Variants in SARDH observed in about 807,000 individuals in gnomAD.
SARDH encodes the protein sarcosine dehydrogenase, mitochondrial.
Under a neutral mutation model 109.1 loss-of-function variants are expected in SARDH, and 95 were observed. That is an observed-to-expected ratio of 0.87 (90% CI 0.74 to 1.03). SARDH has a LOEUF of 1.03. SARDH is among the 50% of genes least tolerant of loss of function. The pLI, the probability that SARDH is intolerant of heterozygous loss-of-function variation, is 0.00. For missense variants in SARDH, 1,267 were observed against 1,287.8 expected (o/e 0.98, Z 0.25); for synonymous variants, 572 against 534.8 (o/e 1.07, Z -0.96).
At position 133,685,213 on chromosome 9, in the gene SARDH, G is replaced by A. The variant is rs758232417; in HGVS notation, c.2143C>T (p.Leu715=). The A allele has an allele frequency of 7.4e-6, 12 of 1,613,846 alleles. No individual in the cohort carries two copies. In the Admixed American group the frequency reaches 8.3e-5, roughly 11 times the overall value. ...CCTACCAGGTGCCCTGCGGCTCTCAGTAGCTTGTGGGTGGAGAACGGGAAG... is the reference window on the plus strand; with the variant it reads ...CCTACCAGGTGCCCTGCGGCTCTCAATAGCTTGTGGGTGGAGAACGGGAAG... ...EAFPFSTHKL[L]RAAGHLVRAM... is the part of the protein sequence containing the mutation. The change falls in exon 17 of 21, where the codon CTG becomes TTG. Residue 715 remains leucine, a synonymous_variant. Transcript: ENST00000439388.
chr9:133,676,868 G>A (rs1419643817), intron 17 of SARDH, among the ~76,000 whole-genome samples: 1 of 152,240 alleles, frequency 6.6e-6, no homozygotes, highest in Non-Finnish European at 1.5e-5. Context: ...TCCGGGCGCA[G>A]TGGCTCACGC....
rs1830358527 is a variant in SARDH, at chr9:133,671,711, T to C, written c.2164-14A>G. On this transcript the variant is annotated splice_polypyrimidine_tract_variant and intron_variant, in intron 17 of 20. Coordinates refer to ENST00000439388, the MANE Select transcript of SARDH (RefSeq NM_001134707.2). ...CATGGCTCGGACCTGGGGGACAAGG[T>C]CATGGCTTAGATGTGGCCATGTAAG... The C allele has an allele frequency of 2.6e-6, 4 of 1,558,608 alleles. No homozygotes were observed. Among genetic ancestry groups the C allele is most frequent in the Non-Finnish European group, 3.5e-6 (4 of 1,151,432 alleles).
chr9:133,738,213 G>C (rs1832947845), intron 1 of SARDH, 41 bp downstream of exon 1: 1 of 152,478 alleles, frequency 6.6e-6, no homozygotes, highest in East Asian at 1.9e-4. Flanking sequence ...CATAGGGGAG[G>C]CCCCAGCCTC....
intron 17 of SARDH, 41 bp from the exon 18 acceptor site, chr9:133,671,738 T>C: frequency 6.5e-7 from 1 of 1,535,774 alleles, no homozygotes; most frequent in South Asian, 1.2e-5. Flanking sequence ...CCATGTAAGA[T>C]GGCTGAGGTC....
chr9:133,721,293 T>C (rs773841850), intron 6 of SARDH, among the ~76,000 whole-genome samples: 2 of 152,212 alleles, frequency 1.3e-5, no homozygotes, highest in Non-Finnish European at 2.9e-5. Flanking sequence ...CGCTGGAGGC[T>C]GGAAGACATG....
At chr9:133,691,169 A>AACACAAAC (rs1554750407) in intron 15 of SARDH, among the ~76,000 whole-genome samples, 107 of 112,188 alleles carry the variant, frequency 9.5e-4, no homozygotes, top group African/African-American at 3.6e-3. Context: ...CACCTCCCCC[A>AACACAAAC]ACACACACAC....
intron 1 of SARDH, among the ~76,000 whole-genome samples, chr9:133,737,014 G>C (rs753594398): frequency 6.6e-6 from 1 of 152,198 alleles, no homozygotes; most frequent in African/African-American, 2.4e-5. Flanking sequence ...TCTGACACAC[G>C]GAGAGGCTCC....
At chr9:133,724,633 A>T (rs1481097428) in intron 6 of SARDH, among the ~76,000 whole-genome samples, 1 of 152,214 alleles carries the variant, frequency 6.6e-6, no homozygotes, top group East Asian at 1.9e-4. Flanking sequence ...AAATAGAGTT[A>T]CCATATGACT....
intron 8 of SARDH, among the ~76,000 whole-genome samples, chr9:133,714,272 G>A (rs745478563): frequency 4.6e-5 from 7 of 152,232 alleles, no homozygotes; most frequent in South Asian, 2.1e-4. Flanking sequence ...AGAGAGCCAC[G>A]GGGAGCCTGG....
chr9:133,671,503 C>G, intron 18 of SARDH, 32 bp downstream of exon 18: 1 of 1,554,742 alleles, frequency 6.4e-7, no homozygotes. Flanking sequence ...TGCGCCCGCC[C>G]CCGCCCCGTG....
At chr9:133,694,977 G>A (rs1158649616) in intron 14 of SARDH, among the ~76,000 whole-genome samples, 7 of 152,118 alleles carry the variant, frequency 4.6e-5, no homozygotes, top group Non-Finnish European at 1.0e-4. Context: ...TCTGGGGAGT[G>A]GGTTTGTTGG....
intron 7 of SARDH, among the ~76,000 whole-genome samples, chr9:133,717,940 C>T (rs965416090): frequency 1.3e-5 from 2 of 152,154 alleles, no homozygotes; most frequent in Non-Finnish European, 2.9e-5. Context: ...GCTTGGATGT[C>T]CCCTCCCTGA....
In SARDH at chr9:133,670,725, C is replaced by G; in HGVS notation, c.2354G>C (p.Arg785Pro). The G allele has an allele frequency of 6.3e-7, 1 of 1,592,586 alleles. No homozygotes were observed. The highest frequency in any genetic ancestry group is 8.5e-7 in the Non-Finnish European group (1 of 1,170,612). ...KGYRHWHADL[R>P]PDDSPLEAGL... ...TGCCTCCAGGGGGCTGTCGTCTGGC[C>G]GCAGGTCCGCGTGCCAGTGCCGGTA... Residue 785 changes from arginine to proline, a missense_variant, in exon 19 of 21, where the codon CGG becomes CCG. Arg to Pro is a moderately radical substitution (Grantham distance 103, BLOSUM62 -2). Coordinates refer to ENST00000439388, the MANE Select transcript of SARDH (RefSeq NM_001134707.2).
Position 133,676,865 on chromosome 9 carries a change from G to A in SARDH, c.2164-5168C>T, listed in dbSNP as rs118163061. 6.7e-3 allele frequency among the ~76,000 whole-genome samples: 1,024 copies of A among 152,334 alleles called. 7 individuals are homozygous for A. Among genetic ancestry groups the A allele is most frequent in the Non-Finnish European group, 9.2e-3 (629 of 68,020 alleles). ...TGGAAATCACAGAAAGAGTCCGGGC[G>A]CAGTGGCTCACGCCTGCAATCCCAG... On this transcript the variant is annotated intron_variant, in intron 17 of 20. Coordinates refer to ENST00000439388, the MANE Select transcript of SARDH (RefSeq NM_001134707.2).
chr9:133,698,024 A>AAAAG (rs1554752507), intron 13 of SARDH, among the ~76,000 whole-genome samples: 5 of 151,110 alleles, frequency 3.3e-5, no homozygotes, highest in South Asian at 4.2e-4. Flanking sequence ...AAAAAAAAGA[A>AAAAG]AAAAAAGAAA....
At chr9:133,681,470 C>T (rs1830692334) in intron 17 of SARDH, among the ~76,000 whole-genome samples, 1 of 152,222 alleles carries the variant, frequency 6.6e-6, no homozygotes, top group Non-Finnish European at 1.5e-5. Flanking sequence ...CCTAGGACCT[C>T]TTTCCAGTAC....
At chr9:133,706,046 G>A (rs1181882262) in intron 11 of SARDH, among the ~76,000 whole-genome samples, 4 of 152,150 alleles carry the variant, frequency 2.6e-5, no homozygotes, top group East Asian at 1.9e-4. Flanking sequence ...CTCCACTTGT[G>A]GCCTTTTGCT....
At position 133,666,493 on chromosome 9, in the gene SARDH, C is replaced by G. The variant is rs532122526; in HGVS notation, c.2631+242G>C. ...CCTCTTCCTCCCCCTTCTCCTTCTC[C>G]CTCCCTCCTCCCTCTCCCTCCTCCT... On this transcript the variant is annotated intron_variant, in intron 20 of 20. Coordinates refer to ENST00000439388, the MANE Select transcript of SARDH (RefSeq NM_001134707.2). The surrounding 1 kb of genome is among the most constrained non-coding windows in gnomAD (Gnocchi z 5.2). 6.6e-6 allele frequency among the ~76,000 whole-genome samples: 1 copy of G among 151,306 alleles called. No homozygotes were observed. Among genetic ancestry groups the G allele is most frequent in the Admixed American group, 6.6e-5 (1 of 15,232 alleles).
At position 133,728,846 on chromosome 9, in the gene SARDH, A is replaced by AGAGG. The variant is rs963274141; in HGVS notation, c.915+915_915+918dup. On this transcript the variant is annotated intron_variant, in intron 6 of 20. Transcript: ENST00000439388. The surrounding 1 kb of genome is among the most constrained non-coding windows in gnomAD (Gnocchi z 5.0). ...AGGGCAGAGGGAGAGATGAGTGGCTAGAGGGAGGGAGGGAGGGATTGATGG... is the reference window on the plus strand; with the variant it reads ...AGGGCAGAGGGAGAGATGAGTGGCTAGAGGGAGGGAGGGAGGGAGGGATTGATGG... Among the ~76,000 whole-genome samples the AGAGG allele has an allele frequency of 7.1e-6, 1 of 140,780 alleles. No homozygotes were observed. The highest frequency in any genetic ancestry group is 1.6e-5 in the Non-Finnish European group (1 of 64,082). The allele number at this position is 140,780 out of a possible 152,430, so 92.4% of individuals were successfully genotyped here.
Sources: allele counts gnomAD v4.1 joint callset (sites outside exome capture counted in the v4.1 genomes callset), GRCh38; gene constraint gnomAD v4.1.1; non-coding constraint Gnocchi (gnomAD v3.1); transcripts MANE v1.5; gene names NCBI Gene and HGNC (gene_info 2026-07-23, HGNC 2026-07-21).